Variants in TRIO observed in about 807,000 individuals in gnomAD.
TRIO encodes the protein triple functional domain protein.
A neutral mutation model predicts 351.9 loss-of-function variants in TRIO; 58 were observed. The ratio of observed to expected loss-of-function variants is 0.16; its 90% CI spans 0.13 to 0.21. The LOEUF (loss-of-function observed/expected upper bound fraction) is 0.21, where lower values mean the gene tolerates loss of function less well. Among genes scored for constraint, TRIO ranks in the 10% least tolerant of loss-of-function variants. The pLI is 1.00. For missense variants in TRIO, 3,201 were observed against 4,027.8 expected, an observed-to-expected ratio of 0.79 and a Z score of 5.56; for synonymous variants, 1,758 against 1,595.7, an observed-to-expected ratio of 1.10 and a Z score of -2.42.
In TRIO at chr5:14,488,143, C is replaced by T. The variant is rs1756151752; in HGVS notation, c.7515C>T (p.Asp2505=). 1.2e-6 allele frequency: 2 copies of T among 1,607,650 alleles called. No homozygotes were observed. The change falls in exon 48 of 57, where the codon GAC becomes GAT. Residue 2505 remains aspartate, a synonymous_variant. Transcript: ENST00000344204. ...CCGGCTCCTTCACCTTCCCGGGGGACAGCGACTCCCTCCAGCGGCAGACAC... is the reference window on the plus strand; with the variant it reads ...CCGGCTCCTTCACCTTCCCGGGGGATAGCGACTCCCTCCAGCGGCAGACAC... ...SRPGSFTFPG[D]SDSLQRQTPR...
At chr5:14,255,277 C>A (rs1251990685) in intron 1 of TRIO, among the ~76,000 whole-genome samples, 1 of 152,132 alleles carries the variant, frequency 6.6e-6, no homozygotes, top group Non-Finnish European at 1.5e-5. Flanking sequence ...GCCATTTAAC[C>A]CTGACATATC....
intron 11 of TRIO, among the ~76,000 whole-genome samples, chr5:14,342,579 T>C (rs1742037207): frequency 6.6e-6 from 1 of 152,246 alleles, no homozygotes; most frequent in Admixed American, 6.5e-5. Context: ...CACAGTCATT[T>C]TCTGAATTAT....
chr5:14,192,663 A>G (rs1790528370), intron 1 of TRIO, among the ~76,000 whole-genome samples: 2 of 152,362 alleles, frequency 1.3e-5, no homozygotes, highest in South Asian at 4.1e-4. Flanking sequence ...ATGTCTTTGA[A>G]CATTTACAGG....
intron 41 of TRIO, among the ~76,000 whole-genome samples, chr5:14,479,039 T>C (rs1160785283): frequency 6.6e-6 from 1 of 152,154 alleles, no homozygotes; most frequent in Non-Finnish European, 1.5e-5. Flanking sequence ...AGTGAAGGGT[T>C]TGGTGTGTAT....
At chr5:14,385,621 G>C (rs1437336723) in intron 21 of TRIO, among the ~76,000 whole-genome samples, 1 of 152,214 alleles carries the variant, frequency 6.6e-6, no homozygotes, top group Non-Finnish European at 1.5e-5. Context: ...GCAAGAAGCT[G>C]GTGATTGGAA....
intron 21 of TRIO, among the ~76,000 whole-genome samples, chr5:14,382,843 G>C (rs1330573266): frequency 7.1e-6 from 1 of 140,926 alleles, no homozygotes; most frequent in Admixed American, 7.4e-5. Flanking sequence ...GTATTTAGGG[G>C]CGTGTGTGTG....
intron 11 of TRIO, among the ~76,000 whole-genome samples, chr5:14,353,365 C>T (rs1185366994): frequency 2.0e-5 from 3 of 150,492 alleles, no homozygotes; most frequent in South Asian, 2.1e-4. Flanking sequence ...CCAATTCAAG[C>T]GATTCTCCTG....
At chr5:14,390,428 C>A in intron 26 of TRIO, 128 bp downstream of exon 26, 1 of 839,442 alleles carries the variant, frequency 1.2e-6, no homozygotes, top group Non-Finnish European at 1.9e-6. Context: ...GAGAAATAGA[C>A]TTTACCTCAA....
chr5:14,318,179 A>G (rs1002911202), intron 9 of TRIO, among the ~76,000 whole-genome samples: 3 of 149,144 alleles, frequency 2.0e-5, no homozygotes, highest in African/African-American at 7.5e-5. Flanking sequence ...TTGTAATCCC[A>G]GCTACTCAGG....
chr5:14,169,205 T>C (rs1421294856), intron 1 of TRIO, among the ~76,000 whole-genome samples: 1 of 152,100 alleles, frequency 6.6e-6, no homozygotes, highest in Non-Finnish European at 1.5e-5. Flanking sequence ...GCCTTTTTTT[T>C]TTTTTTTTAC....
In TRIO at chr5:14,177,385, T is replaced by C. The variant is rs73055565; in HGVS notation, c.157+33503T>C. On this transcript the variant is annotated intron_variant, in intron 1 of 56. Coordinates refer to ENST00000344204, the MANE Select transcript of TRIO (RefSeq NM_007118.4). ...AAACATAGAGGTCTTTTTAGTGACA[T>C]GCACTTCTGGCACTTGTGTGAATTT... is the stretch of plus-strand genomic sequence containing the variant. Among the ~76,000 whole-genome samples the C allele has an allele frequency of 8.5e-3, 1,300 of 152,346 alleles. 19 individuals are homozygous for C. The highest frequency in any genetic ancestry group is 0.03 in the African/African-American group (1,236 of 41,560).
chr5:14,375,034 C>A (rs1304479285), intron 19 of TRIO, among the ~76,000 whole-genome samples: 4 of 152,164 alleles, frequency 2.6e-5, no homozygotes, highest in African/African-American at 4.8e-5. Flanking sequence ...GCAAATGATT[C>A]ATCTCACACT....
rs566008636 is a variant in TRIO at position 14,184,070 on chromosome 5, C to T, written c.157+40188C>T. ...TTGATGGACCTTGACCTCAGAGCTC[C>T]TAGGCCAGATGAGCAGCCATGACAG... On this transcript the variant is annotated intron_variant, in intron 1 of 56. Transcript: ENST00000344204. The T allele has an allele frequency of 5.0e-5, 33 of 663,974 alleles. No homozygotes were observed. The Middle Eastern group carries it at 7.2e-4, about 14-fold the overall frequency. The allele number at this position is 663,974 out of a possible 1,614,324, so 41.1% of individuals were successfully genotyped here. A position where few individuals can be genotyped will look rare whatever the true frequency, so the allele number is the denominator to read the frequency against.
intron 34 of TRIO, among the ~76,000 whole-genome samples, chr5:14,457,345 T>C (rs377308105): frequency 5.3e-5 from 7 of 132,588 alleles, no homozygotes; most frequent in Admixed American, 4.4e-4. Flanking sequence ...GTGGCACCGA[T>C]GAGCTCCCAC....
intron 1 of TRIO, among the ~76,000 whole-genome samples, chr5:14,186,391 G>A (rs908941617): frequency 3.9e-5 from 6 of 152,148 alleles, no homozygotes; most frequent in African/African-American, 1.4e-4. Flanking sequence ...CCAGAGCACG[G>A]TCTAAATTTG....
At chr5:14,176,254 G>C (rs1022777710) in intron 1 of TRIO, among the ~76,000 whole-genome samples, 3 of 152,068 alleles carry the variant, frequency 2.0e-5, no homozygotes, top group Non-Finnish European at 4.4e-5. Context: ...GGCGGATCAC[G>C]AGGTCAGGAG....
rs34053982 is a variant in TRIO at position 14,504,860 on chromosome 5, A to ACC, written c.8612+274_8612+275dup. Among the ~76,000 whole-genome samples, 993 of 149,114 alleles carry ACC rather than the reference A, an allele frequency of 6.7e-3. 7 individuals carry two copies. The highest frequency in any genetic ancestry group is 0.019 in the South Asian group (90 of 4,664). The stretch of plus-strand genomic sequence containing the variant: ...ATATGCTCAGCCAACCCGGAGATGC[A>ACC]CCCCCCCCACCCCTTTTCTGAAGGT... On this transcript the variant is annotated intron_variant, in intron 55 of 56. Coordinates refer to ENST00000344204, the MANE Select transcript of TRIO (RefSeq NM_007118.4).
intron 29 of TRIO, among the ~76,000 whole-genome samples, chr5:14,398,484 G>A (rs1336105872): frequency 1.3e-5 from 2 of 152,116 alleles, no homozygotes; most frequent in African/African-American, 4.8e-5. Context: ...CGGAGGCTGG[G>A]AAGTAGGTGG....
chr5:14,150,640 A>G (rs1472316043), intron 1 of TRIO, among the ~76,000 whole-genome samples: 3 of 152,256 alleles, frequency 2.0e-5, no homozygotes, highest in Non-Finnish European at 4.4e-5. Context: ...ATACATATTC[A>G]GCCTCACTCA....
Sources: gnomAD v4.1 joint callset for allele counts (sites outside exome capture counted in the v4.1 genomes callset) on GRCh38, gnomAD v4.1.1 for gene constraint, MANE v1.5 for transcripts, NCBI Gene and HGNC (gene_info 2026-07-23, HGNC 2026-07-21) for gene names.